Variants in SLC6A18 observed in about 807,000 individuals in gnomAD.
SLC6A18 encodes the protein inactive sodium-dependent neutral amino acid transporter B(0)AT3.
In SLC6A18, 58 loss-of-function variants were observed where a neutral mutation model predicts 62.9. The observed-to-expected ratio is 0.92, with a 90% CI of 0.75 to 1.15. SLC6A18 has a LOEUF of 1.15. SLC6A18 is among the 50% of genes most tolerant of loss of function. The probability of loss-of-function intolerance (pLI) is 0.00; values close to 1 mark genes in which losing one functional copy is unlikely to be tolerated. For missense variants in SLC6A18, 793 were observed against 836.6 expected (o/e 0.95, Z 0.64); for synonymous variants, 382 against 365.8 (o/e 1.04, Z -0.51).
Position 1,244,866 on chromosome 5 carries a change from C to A in SLC6A18, c.1656+99C>A, listed in dbSNP as rs1747178804. On this transcript the variant is annotated intron_variant, in intron 11 of 11. Coordinates refer to ENST00000324642, the MANE Select transcript of SLC6A18 (RefSeq NM_182632.3). ...GGTGCCCGACGACCCATGCGGTGCA[C>A]ATTCACGTGCTAGTGACAAGGTGGC... 22 of 1,353,108 alleles carry A rather than the reference C, an allele frequency of 1.6e-5. 1 individual carries two copies. The South Asian group carries it at 3.2e-4, about 20-fold the overall frequency. The allele number at this position is 1,353,108 out of a possible 1,614,324, so 83.8% of individuals were successfully genotyped here.
chr5:1,235,403 G>A, intron 3 of SLC6A18, 78 bp from the exon 4 acceptor site: 1 of 1,462,474 alleles, frequency 6.8e-7, no homozygotes, highest in Non-Finnish European at 9.4e-7. Context: ...GAGCAGCCCA[G>A]GGAAATTGAG....
Position 1,231,523 on chromosome 5 carries a change from G to A in SLC6A18, c.161-696G>A, listed in dbSNP as rs896406166. Among the ~76,000 whole-genome samples the A allele has an allele frequency of 3.9e-5, 6 of 152,142 alleles. 1 individual carries two copies. The South Asian group carries it at 1.2e-3, about 32-fold the overall frequency. On this transcript the variant is annotated intron_variant, in intron 1 of 11. Transcript: ENST00000324642. ...GACCGCCAGCCGCCCCGGGTTCCTC[G>A]TGGGAACAGAGCAGCCCTCAAGCCG...
rs147356846 is a variant in SLC6A18 at position 1,241,487 on chromosome 5, C to T, written c.974+828C>T. On this transcript the variant is annotated intron_variant, in intron 7 of 11. Coordinates refer to ENST00000324642, the MANE Select transcript of SLC6A18 (RefSeq NM_182632.3). The surrounding 1 kb of genome is among the most constrained non-coding windows in gnomAD (Gnocchi z 7.8). ...GGCCCCACCCAGAGAGTGACCAGCCCTGAGTGTTCCAACCCCAGCCTCCTG... is the reference window on the plus strand; with the variant it reads ...GGCCCCACCCAGAGAGTGACCAGCCTTGAGTGTTCCAACCCCAGCCTCCTG... Among the ~76,000 whole-genome samples the T allele has an allele frequency of 8.5e-3, 1,296 of 152,290 alleles. 8 individuals are homozygous for T. Among genetic ancestry groups the T allele is most frequent in the Non-Finnish European group, 0.014 (983 of 68,024 alleles).
rs1312014725 is a variant in SLC6A18, at chr5:1,243,354, G to T, written c.1132-201G>T. Among the ~76,000 whole-genome samples, 2 of 152,164 alleles carry T rather than the reference G, an allele frequency of 1.3e-5. No homozygotes were observed. The highest frequency in any genetic ancestry group is 4.8e-5 in the African/African-American group (2 of 41,432). On this transcript the variant is annotated intron_variant, in intron 8 of 11. Transcript: ENST00000324642. This position sits in a 1 kb window ranked among gnomAD's most constrained non-coding sequence, Gnocchi z 6.5. ...CTGCTGTGGGTTATTAAAGGGGAAG[G>T]ACCCTCCCCTGCAGAGTTGCGCTTG...
intron 1 of SLC6A18, among the ~76,000 whole-genome samples, chr5:1,228,322 A>T (rs557467202): frequency 1.3e-5 from 2 of 152,258 alleles, no homozygotes; most frequent in South Asian, 4.1e-4. Flanking sequence ...CTGGAGCACC[A>T]TCTGCCGTCT....
In SLC6A18 at chr5:1,232,260, G is replaced by A; in HGVS notation, c.202G>A (p.Gly68Arg). 1 of 1,613,040 alleles carries A rather than the reference G, an allele frequency of 6.2e-7. No homozygotes were observed. Among genetic ancestry groups the A allele is most frequent in the South Asian group, 1.1e-5 (1 of 90,840 alleles). ...CTACGTCATCGCGCTGGTCTTCGAG[G>A]GGATCCCCATTTTCCACGTCGAGCT... ...IPYVIALVFE[G>R]IPIFHVELAI... Residue 68 changes from glycine (G) to arginine (R), a missense_variant, in exon 2 of 12, where the codon GGG becomes AGG. By Grantham distance (125) the Gly-to-Arg change is moderately radical. Coordinates refer to ENST00000324642, the MANE Select transcript of SLC6A18 (RefSeq NM_182632.3).
At chr5:1,236,020 C>T (rs1453891914) in intron 4 of SLC6A18, among the ~76,000 whole-genome samples, 1 of 152,228 alleles carries the variant, frequency 6.6e-6, no homozygotes, top group Non-Finnish European at 1.5e-5. Flanking sequence ...TTTAACCAAT[C>T]TGACAATCTC....
At chr5:1,228,933 C>T (rs764625084) in intron 1 of SLC6A18, among the ~76,000 whole-genome samples, 54 of 152,252 alleles carry the variant, frequency 3.5e-4, no homozygotes, top group Non-Finnish European at 5.9e-4. Flanking sequence ...AACGCTTCTT[C>T]TTCCTTCAAA....
At position 1,241,273 on chromosome 5, in the gene SLC6A18, A is replaced by G. The variant is rs1432502008; in HGVS notation, c.974+614A>G. Among the ~76,000 whole-genome samples the G allele has an allele frequency of 6.6e-6, 1 of 152,186 alleles. No homozygotes were observed. Among genetic ancestry groups the G allele is most frequent in the Non-Finnish European group, 1.5e-5 (1 of 68,018 alleles). The stretch of plus-strand genomic sequence containing the variant: ...CCCAACTTGCTTGTGAACTACCTTC[A>G]GGTGGGTCCTTGAGAACCCACTGGG... On this transcript the variant is annotated intron_variant, in intron 7 of 11. Coordinates refer to ENST00000324642, the MANE Select transcript of SLC6A18 (RefSeq NM_182632.3). The surrounding 1 kb of genome is among the most constrained non-coding windows in gnomAD (Gnocchi z 7.8).
chr5:1,245,788 G>A (rs1401566778), intron 11 of SLC6A18, 60 bp from the exon 12 acceptor site: 22 of 1,512,426 alleles, frequency 1.5e-5, no homozygotes, highest in Non-Finnish European at 1.7e-5. Context: ...TGAGGAGCAC[G>A]GGGGTCAGCC....
At chr5:1,237,240 CAAAA>C (rs61528804) in intron 4 of SLC6A18, among the ~76,000 whole-genome samples, 44 of 76,458 alleles carry the variant, frequency 5.8e-4, no homozygotes, top group African/African-American at 2.1e-3. Flanking sequence ...GACTCTGTCT[CAAAA>C]AAAAAAAAAA....
At position 1,240,526 on chromosome 5, in the gene SLC6A18, C is replaced by T; in HGVS notation, c.846-5C>T. ...AGCCTGTGATGAGCGTGCGTTTGTG[C>T]CCAGGAATGACTGCCAGAAGGATGC... On this transcript the variant is annotated splice_region_variant and splice_polypyrimidine_tract_variant and intron_variant, in intron 6 of 11. Transcript: ENST00000324642. 6.2e-7 allele frequency: 1 copy of T among 1,613,980 alleles called. No homozygotes were observed. The highest frequency in any genetic ancestry group is 8.5e-7 in the Non-Finnish European group (1 of 1,179,940).
chr5:1,235,676 G>A lies in SLC6A18; in HGVS notation c.621+14G>A. 1 of 1,613,490 alleles carries A rather than the reference G, an allele frequency of 6.2e-7. No homozygotes were observed. Among genetic ancestry groups the A allele is most frequent in the Non-Finnish European group, 8.5e-7 (1 of 1,179,790 alleles). On this transcript the variant is annotated intron_variant, in intron 4 of 11. Transcript: ENST00000324642. Reference sequence around the variant, plus strand: ...ACTACAGGGAAGGTGAGAGCTGGCAGGGCCTGATCCCCTCTCTTGCTTCCT... The same window carrying A: ...ACTACAGGGAAGGTGAGAGCTGGCAAGGCCTGATCCCCTCTCTTGCTTCCT...
chr5:1,232,379 TGCCCTGACTGA>T lies in SLC6A18; in HGVS notation c.301+22_301+32del. On this transcript the variant is annotated intron_variant, in intron 2 of 11. Transcript: ENST00000324642. ...GAGTAGGTAGGCCACCGTCCTCGCT[TGCCCTGACTGA>T]GGCTGCCAGGGACAGGGCCCTCCTG... The T allele has an allele frequency of 6.3e-7, 1 of 1,597,752 alleles. No individual in the cohort carries two copies. The highest frequency in any genetic ancestry group is 2.3e-5 in the East Asian group (1 of 44,412).
intron 2 of SLC6A18, 34 bp from the exon 3 acceptor site, chr5:1,232,717 C>T: frequency 6.3e-7 from 1 of 1,574,870 alleles, no homozygotes; most frequent in Non-Finnish European, 8.6e-7. Context: ...TGGGAAGGAG[C>T]CCCGGGGCCA....
At chr5:1,232,055 G>A (rs1416889091) in intron 1 of SLC6A18, among the ~76,000 whole-genome samples, 164 bp from the exon 2 acceptor site, 1 of 152,212 alleles carries the variant, frequency 6.6e-6, no homozygotes, top group East Asian at 1.9e-4. Flanking sequence ...GGCAGGGTTT[G>A]GCAACCCAAC....
intron 1 of SLC6A18, among the ~76,000 whole-genome samples, chr5:1,227,037 G>A (rs1435977375): frequency 3.2e-5 from 3 of 94,714 alleles, no homozygotes; most frequent in African/African-American, 1.5e-4. Context: ...CGCCTTGCCC[G>A]CCGACGCCTT....
At chr5:1,237,377 C>G (rs1411811087) in intron 4 of SLC6A18, among the ~76,000 whole-genome samples, 1 of 151,616 alleles carries the variant, frequency 6.6e-6, no homozygotes, top group Admixed American at 6.6e-5. Flanking sequence ...AGACCCTTGT[C>G]TACAGCTGAT....
At chr5:1,234,100 T>C (rs1422596625) in intron 3 of SLC6A18, among the ~76,000 whole-genome samples, 1 of 152,078 alleles carries the variant, frequency 6.6e-6, no homozygotes, top group Non-Finnish European at 1.5e-5. Flanking sequence ...CCCAGGATGA[T>C]CTTGAACCCT....
Sources: allele counts gnomAD v4.1 joint callset (sites outside exome capture counted in the v4.1 genomes callset), GRCh38; gene constraint gnomAD v4.1.1; non-coding constraint Gnocchi (gnomAD v3.1); transcripts MANE v1.5; gene names NCBI Gene and HGNC (gene_info 2026-07-23, HGNC 2026-07-21).